The following CSMD1 variants were observed in gnomAD, a reference collection of about 807,000 sequenced individuals.
CSMD1 encodes the protein CUB and Sushi multiple domains 1.
Under a neutral mutation model 417.5 loss-of-function variants are expected in CSMD1, and 213 were observed. The ratio of observed to expected loss-of-function variants is 0.51; its 90% CI spans 0.46 to 0.57. CSMD1 has a LOEUF of 0.57. Among genes scored for constraint, CSMD1 ranks in the 20% least tolerant of loss-of-function variants. The pLI is 0.00. For missense variants in CSMD1, 6,923 were observed against 4,529.7 expected (o/e 1.53, Z -15.17); for synonymous variants, 2,862 against 1,736.8 (o/e 1.65, Z -16.11).
rs1344016407 is a variant in CSMD1, at chr8:4,017,735, G to A, written c.610+14170C>T. 2.6e-5 allele frequency among the ~76,000 whole-genome samples: 4 copies of A among 152,198 alleles called. No individual in the cohort carries two copies. In the South Asian group the frequency reaches 8.3e-4, roughly 32 times the overall value. On this transcript the variant is annotated intron_variant, in intron 4 of 69. Coordinates refer to ENST00000635120, the MANE Select transcript of CSMD1 (RefSeq NM_033225.6). ...GACTTTGTGCCTCGGCATTGTGTGT[G>A]CATGGTACAAATGCTGAAACTTCCT...
At chr8:4,236,636 C>T (rs569263859) in intron 3 of CSMD1, among the ~76,000 whole-genome samples, 19 of 152,196 alleles carry the variant, frequency 1.2e-4, no homozygotes, top group African/African-American at 4.3e-4. Context: ...AGAATTCAGC[C>T]AAAATCAATG....
At chr8:3,457,503 G>C (rs1009496575) in intron 12 of CSMD1, among the ~76,000 whole-genome samples, 1 of 152,216 alleles carries the variant, frequency 6.6e-6, no homozygotes, top group African/African-American at 2.4e-5. Context: ...CATTGGAGCT[G>C]AGTCATCAAA....
rs1441840353 is a variant in CSMD1 at position 3,074,544 on chromosome 8, A to G, written c.7474+12553T>C. Among the ~76,000 whole-genome samples the G allele has an allele frequency of 3.9e-5, 6 of 152,234 alleles. No homozygotes were observed. In the East Asian group the frequency reaches 1.2e-3, roughly 29 times the overall value. On this transcript the variant is annotated intron_variant, in intron 49 of 69. Coordinates refer to ENST00000635120, the MANE Select transcript of CSMD1 (RefSeq NM_033225.6). ...AGCCTATTTGGATTACCCGAAGATC[A>G]GTTTGACAAGATAACCCAATATGTC...
At chr8:4,708,341 C>T (rs149025170) in intron 1 of CSMD1, among the ~76,000 whole-genome samples, 81 of 152,240 alleles carry the variant, frequency 5.3e-4, no homozygotes, top group African/African-American at 1.8e-3. Flanking sequence ...ATGTAAGCTC[C>T]GTGAACATTT....
At chr8:3,257,240 C>G (rs1010360124) in intron 26 of CSMD1, among the ~76,000 whole-genome samples, 2 of 152,196 alleles carry the variant, frequency 1.3e-5, no homozygotes, top group South Asian at 2.1e-4. Flanking sequence ...AGGAGAATCG[C>G]TTCAACCTGG....
chr8:3,409,354 T>C, intron 13 of CSMD1, 69 bp downstream of exon 13: 1 of 1,389,062 alleles, frequency 7.2e-7, no homozygotes, highest in Non-Finnish European at 9.6e-7. Flanking sequence ...GTCTGTGTCT[T>C]TCTCCTTTTC....
intron 3 of CSMD1, among the ~76,000 whole-genome samples, chr8:4,053,820 A>G (rs1392794930): frequency 2.0e-5 from 3 of 152,198 alleles, no homozygotes; most frequent in Non-Finnish European, 4.4e-5. Flanking sequence ...AGCTTTACAA[A>G]AATGTTCAGT....
At chr8:3,276,501 C>G (rs547812507) in intron 26 of CSMD1, among the ~76,000 whole-genome samples, 57 of 152,282 alleles carry the variant, frequency 3.7e-4, no homozygotes, top group African/African-American at 1.3e-3. Flanking sequence ...ACCATGAGAT[C>G]TCATGAGTCT....
At chr8:3,228,058 A>G (rs995329057) in intron 27 of CSMD1, among the ~76,000 whole-genome samples, 3 of 152,136 alleles carry the variant, frequency 2.0e-5, no homozygotes, top group African/African-American at 7.2e-5. Flanking sequence ...GTGAGCCACC[A>G]CACCCAGACT....
chr8:3,214,391 C>T (rs1797777995), intron 30 of CSMD1, 106 bp downstream of exon 30: 1 of 955,368 alleles, frequency 1.0e-6, no homozygotes, highest in Non-Finnish European at 1.5e-6. Flanking sequence ...CAATCCTCAC[C>T]ACCGATGAGA....
intron 52 of CSMD1, among the ~76,000 whole-genome samples, chr8:3,012,517 C>A (rs767553156): frequency 6.6e-6 from 1 of 152,152 alleles, no homozygotes; most frequent in Non-Finnish European, 1.5e-5. Flanking sequence ...AAACAGTATT[C>A]TTTCTAGTAG....
At chr8:4,166,383 C>G (rs1010236673) in intron 3 of CSMD1, among the ~76,000 whole-genome samples, 1 of 152,044 alleles carries the variant, frequency 6.6e-6, no homozygotes, top group African/African-American at 2.4e-5. Flanking sequence ...TGCTAAAGTT[C>G]CCACAATTAA....
At chr8:4,226,089 CA>C (rs1801338583) in intron 3 of CSMD1, among the ~76,000 whole-genome samples, 1 of 151,414 alleles carries the variant, frequency 6.6e-6, no homozygotes, top group Admixed American at 6.6e-5. Context: ...CACACACACA[CA>C]CACACACACA....
chr8:2,977,843 A>G (rs1805065687), intron 55 of CSMD1, among the ~76,000 whole-genome samples: 2 of 152,340 alleles, frequency 1.3e-5, no homozygotes, highest in African/African-American at 4.8e-5. Flanking sequence ...ATCACTGATC[A>G]TAAGGGAAAT....
intron 8 of CSMD1, among the ~76,000 whole-genome samples, chr8:3,606,877 A>T (rs967793727): frequency 5.3e-5 from 8 of 151,608 alleles, no homozygotes; most frequent in Admixed American, 3.3e-4. Flanking sequence ...CGCCCGGCAA[A>T]TTTTTTTGTA....
intron 2 of CSMD1, among the ~76,000 whole-genome samples, chr8:4,527,360 C>T (rs1585205103): frequency 6.6e-6 from 1 of 152,010 alleles, no homozygotes; most frequent in Admixed American, 6.6e-5. Flanking sequence ...AAAATCTCAC[C>T]AGAAAGTAAA....
chr8:4,263,778 T>G (rs1804047968), intron 3 of CSMD1, among the ~76,000 whole-genome samples: 1 of 152,164 alleles, frequency 6.6e-6, no homozygotes, highest in Non-Finnish European at 1.5e-5. Context: ...ATGAAAATCT[T>G]TACTCCAATT....
intron 3 of CSMD1, among the ~76,000 whole-genome samples, chr8:4,334,093 G>C (rs1800024590): frequency 6.6e-6 from 1 of 151,918 alleles, no homozygotes; most frequent in Admixed American, 6.6e-5. Context: ...GATGATTACA[G>C]ACAGGGTTTT....
chr8:3,952,753 G>C (rs1389922039), intron 5 of CSMD1, among the ~76,000 whole-genome samples: 3 of 152,142 alleles, frequency 2.0e-5, no homozygotes, highest in Non-Finnish European at 4.4e-5. Flanking sequence ...TGTATGTTAT[G>C]TTTATTTCAC....
Sources: allele counts gnomAD v4.1 joint callset (sites outside exome capture counted in the v4.1 genomes callset), GRCh38; gene constraint gnomAD v4.1.1; transcripts MANE v1.5; gene names NCBI Gene and HGNC (gene_info 2026-07-23, HGNC 2026-07-21).